The following ZNF410 variants were observed in gnomAD, a reference collection of about 807,000 sequenced individuals.
ZNF410 encodes the protein another partner for ARF 1.
Under a neutral mutation model 54.8 loss-of-function variants are expected in ZNF410, and 18 were observed. That is an observed-to-expected ratio of 0.33 (90% CI 0.23 to 0.49). The LOEUF is 0.49. Among genes scored for constraint, ZNF410 ranks in the 20% least tolerant of loss-of-function variants. ZNF410 has a pLI of 0.99. For synonymous variants in ZNF410, 191 were observed against 207.3 expected, an observed-to-expected ratio of 0.92 and a Z score of 0.68; for missense variants, 405 against 569.6, an observed-to-expected ratio of 0.71 and a Z score of 2.94.
chr14:73,887,963 A>T (rs2055169952), intron 1 of ZNF410, among the ~76,000 whole-genome samples: 1 of 152,158 alleles, frequency 6.6e-6, no homozygotes, highest in African/African-American at 2.4e-5. Context: ...TTGGAAAGAT[A>T]ACTTGAATGG....
intron 7 of ZNF410, among the ~76,000 whole-genome samples, chr14:73,908,844 G>GT (rs112439688): frequency 2.8e-4 from 42 of 151,904 alleles, no homozygotes; most frequent in Non-Finnish European, 4.3e-4. Flanking sequence ...TTGTTTGTTT[G>GT]TTTTTTTGTT....
intron 8 of ZNF410, among the ~76,000 whole-genome samples, chr14:73,910,859 C>T (rs1193418159): frequency 9.8e-5 from 12 of 122,116 alleles, no homozygotes; most frequent in Non-Finnish European, 1.9e-4. Flanking sequence ...GAGACCCTGT[C>T]TCAAAAAAAA....
intron 7 of ZNF410, among the ~76,000 whole-genome samples, chr14:73,906,821 G>T (rs1442788263): frequency 2.0e-5 from 3 of 150,602 alleles, no homozygotes; most frequent in African/African-American, 7.3e-5. Context: ...TTTTCCCGTT[G>T]TTTTTTTTTC....
intron 5 of ZNF410, among the ~76,000 whole-genome samples, chr14:73,902,599 A>T (rs1272226971): frequency 6.6e-6 from 1 of 152,140 alleles, no homozygotes; most frequent in Non-Finnish European, 1.5e-5. Flanking sequence ...CAACATATAT[A>T]TTCTACTTTT....
At chr14:73,918,475 A>G (rs926724473) in intron 8 of ZNF410, among the ~76,000 whole-genome samples, 1 of 151,964 alleles carries the variant, frequency 6.6e-6, no homozygotes, top group Non-Finnish European at 1.5e-5. Context: ...ATGGCCAACT[A>G]TATATTCATA....
intron 7 of ZNF410, among the ~76,000 whole-genome samples, chr14:73,905,994 T>TATATATACAC (rs1293177402): frequency 7.3e-6 from 1 of 136,560 alleles, no homozygotes; most frequent in African/African-American, 2.9e-5. Flanking sequence ...TATATATATA[T>TATATATACAC]ACACACATAC....
chr14:73,925,202 G>T (rs2055812068), intron 11 of ZNF410, among the ~76,000 whole-genome samples: 1 of 152,082 alleles, frequency 6.6e-6, no homozygotes, highest in South Asian at 2.1e-4. Flanking sequence ...GATATCATTG[G>T]TTCTTTCCTA....
intron 7 of ZNF410, 157 bp downstream of exon 7, chr14:73,905,240 T>A: frequency 1.4e-6 from 1 of 715,820 alleles, no homozygotes; most frequent in South Asian, 2.3e-5. Flanking sequence ...CTTGTTGCAC[T>A]TATAATAACA....
At position 73,904,214 on chromosome 14, in the gene ZNF410, C is replaced by T. The variant is rs960453266; in HGVS notation, c.731+104C>T. The T allele has an allele frequency of 3.3e-6, 4 of 1,206,092 alleles. No individual in the cohort carries two copies. The Admixed American group carries it at 9.7e-5, about 29-fold the overall frequency. The allele number at this position is 1,206,092 out of a possible 1,614,324, so 74.7% of individuals were successfully genotyped here. A position where few individuals can be genotyped will look rare whatever the true frequency, so the allele number is the denominator to read the frequency against. ...TTGACAAATTACAGGAAAGTAGGGACTCCAGTTAACTTCTGGTTAAGATAT... is the reference window on the plus strand; with the variant it reads ...TTGACAAATTACAGGAAAGTAGGGATTCCAGTTAACTTCTGGTTAAGATAT... On this transcript the variant is annotated intron_variant, in intron 6 of 11. Transcript: ENST00000555044.
chr14:73,896,840 A>T, intron 4 of ZNF410, among the ~76,000 whole-genome samples: 1 of 152,154 alleles, frequency 6.6e-6, no homozygotes, highest in East Asian at 1.9e-4. Context: ...TATATTCAGG[A>T]GGACATGTCC....
chr14:73,931,646 G>GGTGT lies in ZNF410; in HGVS notation c.*106_*107insTGTG. 1 of 1,054,416 alleles carries GGTGT rather than the reference G, an allele frequency of 9.5e-7. No homozygotes were observed. The highest frequency in any genetic ancestry group is 1.4e-6 in the Non-Finnish European group (1 of 697,276). The allele number at this position is 1,054,416 out of a possible 1,614,324, so 65.3% of individuals were successfully genotyped here. A position where few individuals can be genotyped will look rare whatever the true frequency, so the allele number is the denominator to read the frequency against. Reference sequence around the variant, plus strand: ...AACAGAACCAGAATGAATCTTTGAAGGCACAAGACTCTGCTTTTGCCACTC... The same window carrying GGTGT: ...AACAGAACCAGAATGAATCTTTGAAGGTGTGCACAAGACTCTGCTTTTGCCACTC... On this transcript the variant is annotated 3_prime_UTR_variant, in exon 12 of 12. Transcript: ENST00000555044.
At chr14:73,893,973 A>C (rs775948089) in intron 3 of ZNF410, 41 bp downstream of exon 3, 1 of 1,585,350 alleles carries the variant, frequency 6.3e-7, no homozygotes, top group East Asian at 2.2e-5. Context: ...AAGAAGTCTT[A>C]AGAGCTTAGC....
chr14:73,914,066 C>T (rs1014679221), intron 8 of ZNF410: 1 of 152,178 alleles, frequency 6.6e-6, no homozygotes, highest in African/African-American at 2.4e-5. Context: ...GAGACATGGT[C>T]TCCCTCTGTT....
chr14:73,904,251 T>C (rs2055449286), intron 6 of ZNF410, 141 bp downstream of exon 6: 2 of 820,370 alleles, frequency 2.4e-6, no homozygotes, highest in African/African-American at 3.5e-5. Context: ...TTTTTTTCTT[T>C]AATAGAAGGA....
At chr14:73,897,973 A>AG in intron 4 of ZNF410, 98 bp from the exon 5 acceptor site, 1 of 530,314 alleles carries the variant, frequency 1.9e-6, no homozygotes, top group Non-Finnish European at 2.7e-6. Flanking sequence ...CGCCGTCTCA[A>AG]AAAAAAAAAA....
intron 1 of ZNF410, among the ~76,000 whole-genome samples, chr14:73,887,911 G>T (rs1206865818): frequency 6.6e-6 from 1 of 152,122 alleles, no homozygotes; most frequent in Non-Finnish European, 1.5e-5. Flanking sequence ...TTTTTCCGAG[G>T]CACTGAACTT....
chr14:73,905,004 C>G lies in ZNF410; in HGVS notation c.834C>G (p.Pro278=). The G allele has an allele frequency of 6.2e-7, 1 of 1,614,168 alleles. No individual in the cohort carries two copies. The highest frequency in any genetic ancestry group is 8.5e-7 in the Non-Finnish European group (1 of 1,180,030). ...TGAGGACCCACAATGGAGAGAAGCC[C>G]TTTATGTGCCATGAGTCTGGCTGTG... ...VHMRTHNGEK[P]FMCHESGCGK... is the part of the protein sequence containing the mutation. The change falls in exon 7 of 12, where the codon CCC becomes CCG. Residue 278 remains proline, a synonymous_variant. Transcript: ENST00000555044.
At chr14:73,928,966 T>C (rs1243212222) in intron 11 of ZNF410, among the ~76,000 whole-genome samples, 1 of 151,936 alleles carries the variant, frequency 6.6e-6, no homozygotes, top group African/African-American at 2.4e-5. Context: ...AAAGGAAGTA[T>C]GGTCTTCACT....
intron 1 of ZNF410, among the ~76,000 whole-genome samples, chr14:73,890,823 A>C (rs900532917): frequency 9.9e-5 from 15 of 151,918 alleles, no homozygotes; most frequent in Non-Finnish European, 2.1e-4. Flanking sequence ...GACCAGCCTG[A>C]CCAACATGGA....
Sources: allele counts gnomAD v4.1 joint callset (sites outside exome capture counted in the v4.1 genomes callset), GRCh38; gene constraint gnomAD v4.1.1; transcripts MANE v1.5; gene names NCBI Gene and HGNC (gene_info 2026-07-23, HGNC 2026-07-21).